The following TMEM132C variants were observed in gnomAD, a reference collection of about 807,000 sequenced individuals.
TMEM132C encodes the protein transmembrane protein 132C.
In TMEM132C, 29 loss-of-function variants were observed where a neutral mutation model predicts 61.4. That is an observed-to-expected ratio of 0.47 (90% CI 0.35 to 0.64). TMEM132C has a LOEUF of 0.64. TMEM132C is among the 30% of genes least tolerant of loss of function. TMEM132C has a pLI of 0.00. For synonymous variants in TMEM132C, 656 were observed against 633.1 expected, an observed-to-expected ratio of 1.04 and a Z score of -0.54; for missense variants, 1,408 against 1,476.9, an observed-to-expected ratio of 0.95 and a Z score of 0.76.
intron 2 of TMEM132C, among the ~76,000 whole-genome samples, chr12:128,521,615 T>G (rs1044106557): frequency 1.4e-4 from 22 of 152,266 alleles, no homozygotes; most frequent in African/African-American, 5.3e-4. Flanking sequence ...TGCTAAATGT[T>G]AGAGACAAAT....
At position 128,567,620 on chromosome 12, in the gene TMEM132C, T is replaced by G. The variant is rs564248290; in HGVS notation, c.1121+23517T>G. Among the ~76,000 whole-genome samples, 4 of 152,202 alleles carry G rather than the reference T, an allele frequency of 2.6e-5. No individual in the cohort carries two copies. In the East Asian group the frequency reaches 5.8e-4, roughly 22 times the overall value. ...CTCTATAAAGCTGAGGAAAAGAATA[T>G]GTCACTAGAAAGTGGCCTCCTCCAC... On this transcript the variant is annotated intron_variant, in intron 3 of 8. Coordinates refer to ENST00000435159, the MANE Select transcript of TMEM132C (RefSeq NM_001136103.3).
chr12:128,490,351 C>T (rs923167241), intron 2 of TMEM132C, among the ~76,000 whole-genome samples: 7 of 152,270 alleles, frequency 4.6e-5, no homozygotes, highest in African/African-American at 7.2e-5. Context: ...TTCTTTCCCT[C>T]GCCTTGCCCT....
rs1488266854 is a variant in TMEM132C, at chr12:128,685,305, CAG to C, written c.1450-8522_1450-8521del. 4.6e-5 allele frequency among the ~76,000 whole-genome samples: 7 copies of C among 152,228 alleles called. No individual in the cohort carries two copies. In the East Asian group the frequency reaches 1.3e-3, roughly 29 times the overall value. On this transcript the variant is annotated intron_variant, in intron 5 of 8. Transcript: ENST00000435159. ...TGCATCTGTCAGCAAGTCTTTGTAACAGACAACTCCAGCGTTTGGTTGTTCAA... is the reference window on the plus strand; with the variant it reads ...TGCATCTGTCAGCAAGTCTTTGTAACACAACTCCAGCGTTTGGTTGTTCAA...
Position 128,706,391 on chromosome 12 carries a change from A to T in TMEM132C, c.*96A>T. The T allele has an allele frequency of 2.1e-6, 3 of 1,415,502 alleles. No homozygotes were observed. In the South Asian group the frequency reaches 4.6e-5, roughly 22 times the overall value. The allele number at this position is 1,415,502 out of a possible 1,614,324, so 87.7% of individuals were successfully genotyped here. On this transcript the variant is annotated 3_prime_UTR_variant, in exon 9 of 9. Coordinates refer to ENST00000435159, the MANE Select transcript of TMEM132C (RefSeq NM_001136103.3). The stretch of plus-strand genomic sequence containing the variant: ...GCGTTGTCAGTGGGGTTAAGAAGGG[A>T]CGGTCCCAGGGTCCATGCTAGACCA...
intron 1 of TMEM132C, among the ~76,000 whole-genome samples, chr12:128,284,893 C>T (rs776799245): frequency 2.6e-5 from 4 of 152,030 alleles, no homozygotes; most frequent in Non-Finnish European, 5.9e-5. Context: ...CCCAGTACTT[C>T]GGAAGGCTGA....
At chr12:128,643,750 G>C (rs756724251) in intron 4 of TMEM132C, among the ~76,000 whole-genome samples, 1 of 152,012 alleles carries the variant, frequency 6.6e-6, no homozygotes, top group Non-Finnish European at 1.5e-5. Context: ...AACTGCTCTC[G>C]TTTTCTTTAG....
At chr12:128,641,092 G>T (rs183385271) in intron 4 of TMEM132C, among the ~76,000 whole-genome samples, 111 of 152,326 alleles carry the variant, frequency 7.3e-4, no homozygotes, top group African/African-American at 2.2e-3. Flanking sequence ...TGGTTGGAAT[G>T]CAGAGTCAGG....
intron 2 of TMEM132C, among the ~76,000 whole-genome samples, chr12:128,447,841 C>G (rs1226347693): frequency 7.4e-6 from 1 of 134,428 alleles, no homozygotes; most frequent in African/African-American, 3.2e-5. Flanking sequence ...ATTCTCCTGC[C>G]TCAGCCTCCA....
intron 2 of TMEM132C, among the ~76,000 whole-genome samples, chr12:128,498,598 C>T (rs1367198121): frequency 6.6e-6 from 1 of 152,018 alleles, no homozygotes; most frequent in East Asian, 1.9e-4. Flanking sequence ...TTGCTTGAAC[C>T]TGGGAGACAG....
At chr12:128,349,245 C>T (rs1375561051) in intron 1 of TMEM132C, among the ~76,000 whole-genome samples, 1 of 152,160 alleles carries the variant, frequency 6.6e-6, no homozygotes, top group African/African-American at 2.4e-5. Flanking sequence ...CTCAGTGATC[C>T]ACCCATCTTG....
chr12:128,637,068 AG>A (rs1954109717), intron 4 of TMEM132C, among the ~76,000 whole-genome samples: 1 of 152,242 alleles, frequency 6.6e-6, no homozygotes, highest in South Asian at 2.1e-4. Flanking sequence ...CAATAAATAT[AG>A]GTGTGCAGAT....
intron 2 of TMEM132C, among the ~76,000 whole-genome samples, chr12:128,428,361 CCTG>C (rs1218907975): frequency 2.6e-5 from 4 of 152,186 alleles, no homozygotes; most frequent in African/African-American, 9.6e-5. Context: ...TTCTCCTTCT[CCTG>C]CTGGTTCTCT....
At chr12:128,378,643 T>TATTC (rs944410204) in intron 1 of TMEM132C, among the ~76,000 whole-genome samples, 14 of 152,162 alleles carry the variant, frequency 9.2e-5, no homozygotes, top group African/African-American at 2.7e-4. Flanking sequence ...TAGTAATGCG[T>TATTC]ATTCCTCCAT....
chr12:128,696,237 C>A, intron 7 of TMEM132C, 134 bp downstream of exon 7: 1 of 1,257,932 alleles, frequency 7.9e-7, no homozygotes, highest in Non-Finnish European at 1.1e-6. Context: ...AAGATGAGCC[C>A]AGGCCAGATC....
At position 128,707,457 on chromosome 12, in the gene TMEM132C, G is replaced by C. The variant is rs1954852378; in HGVS notation, c.*1162G>C. On this transcript the variant is annotated 3_prime_UTR_variant, in exon 9 of 9. Transcript: ENST00000435159. ...TTGTTTTTCTTATGTTGTTGGGTGG[G>C]GTATACCAGCATAAACTCTAAAGAT... The C allele has an allele frequency of 6.6e-6, 1 of 152,136 alleles. No homozygotes were observed. The highest frequency in any genetic ancestry group is 2.4e-5 in the African/African-American group (1 of 41,416). 9.4% of individuals were successfully genotyped at this position (152,136 alleles called of 1,614,324 possible). A position where few individuals can be genotyped will look rare whatever the true frequency, so the allele number is the denominator to read the frequency against.
At chr12:128,362,766 T>G (rs1436482247) in intron 1 of TMEM132C, among the ~76,000 whole-genome samples, 3 of 152,220 alleles carry the variant, frequency 2.0e-5, no homozygotes, top group African/African-American at 7.2e-5. Context: ...TTAGGAATGC[T>G]AAACCCATAA....
chr12:128,536,071 A>G (rs1873515216), intron 2 of TMEM132C, among the ~76,000 whole-genome samples: 1 of 152,192 alleles, frequency 6.6e-6, no homozygotes, highest in African/African-American at 2.4e-5. Context: ...AAATCATGCT[A>G]CTATAAAGAC....
chr12:128,594,116 G>A (rs1002379423), intron 3 of TMEM132C, among the ~76,000 whole-genome samples: 25 of 141,002 alleles, frequency 1.8e-4, no homozygotes, highest in East Asian at 4.8e-4. Flanking sequence ...CACCGCAGGC[G>A]TCCCTGAACT....
chr12:128,705,897 G>A lies in TMEM132C; in HGVS notation c.2929G>A (p.Glu977Lys). The A allele has an allele frequency of 9.7e-6, 15 of 1,551,432 alleles. No homozygotes were observed. Among genetic ancestry groups the A allele is most frequent in the Non-Finnish European group, 1.3e-5 (15 of 1,146,996 alleles). The stretch of plus-strand genomic sequence containing the variant: ...TCACGACTGGGTGTGGCTTGGCAAT[G>A]AGGCCGAACTCCTGGAGAGCATGGG... The part of the protein sequence containing the change: ...HSHDWVWLGN[E>K]AELLESMGDA... The change falls in exon 9 of 9, where the codon GAG becomes AAG. Residue 977 changes from glutamate (E) to lysine (K), a missense_variant. Transcript: ENST00000435159.
Sources: allele counts gnomAD v4.1 joint callset (sites outside exome capture counted in the v4.1 genomes callset), GRCh38; gene constraint gnomAD v4.1.1; transcripts MANE v1.5; gene names NCBI Gene and HGNC (gene_info 2026-07-23, HGNC 2026-07-21).